The following COL26A1 variants were observed in gnomAD, a reference collection of about 807,000 sequenced individuals.
The protein encoded by COL26A1 is collagen type XXVI alpha 1 chain.
Under a neutral mutation model 59.3 loss-of-function variants are expected in COL26A1, and 41 were observed. The ratio of observed to expected loss-of-function variants is 0.69; its 90% CI spans 0.54 to 0.90. The LOEUF is 0.90. Among genes scored for constraint, COL26A1 ranks in the 40% least tolerant of loss-of-function variants. The pLI, the probability that COL26A1 is intolerant of heterozygous loss-of-function variation, is 0.00. For missense variants in COL26A1, 612 were observed against 602.3 expected (o/e 1.02, Z -0.17); for synonymous variants, 266 against 256.0 (o/e 1.04, Z -0.37).
intron 3 of COL26A1, among the ~76,000 whole-genome samples, chr7:101,489,033 G>T (rs572207933): frequency 1.3e-4 from 20 of 152,300 alleles, no homozygotes; most frequent in African/African-American, 2.4e-4. Flanking sequence ...TTCCGTGTTT[G>T]CCTGCAAGAT....
At chr7:101,389,310 G>T (rs1791667523) in intron 1 of COL26A1, among the ~76,000 whole-genome samples, 1 of 150,168 alleles carries the variant, frequency 6.7e-6, no homozygotes, top group African/African-American at 2.4e-5. Context: ...TTTCTATATT[G>T]TTGTTGAGTT....
rs1794293489 is a variant in COL26A1, at chr7:101,487,479, T to A, written c.385+39692T>A. 3.9e-5 allele frequency among the ~76,000 whole-genome samples: 6 copies of A among 151,986 alleles called. No individual in the cohort carries two copies. The South Asian group carries it at 1.2e-3, about 32-fold the overall frequency. ...GTTTCCTCGGGTTCTTTCAACCCCC[T>A]CTCTCACGACATGGCTCTCGGTGCC... On this transcript the variant is annotated intron_variant, in intron 3 of 12. Coordinates refer to ENST00000313669, the MANE Select transcript of COL26A1 (RefSeq NM_001278563.3).
chr7:101,520,663 C>CACACACACACACACACACACA (rs57784373), intron 3 of COL26A1, among the ~76,000 whole-genome samples: 23 of 139,032 alleles, frequency 1.7e-4, no homozygotes, highest in South Asian at 2.1e-4. Context: ...CACACACACA[C>CACACACACACACACACACACA]CCCCGTGTTC....
At chr7:101,427,805 T>G (rs1160424514) in intron 2 of COL26A1, among the ~76,000 whole-genome samples, 1 of 152,154 alleles carries the variant, frequency 6.6e-6, no homozygotes, top group Non-Finnish European at 1.5e-5. Flanking sequence ...CCTGGCTGTC[T>G]TCACCATTTT....
rs745474924 is a variant in COL26A1, at chr7:101,540,026, A to G, written c.581A>G (p.Gln194Arg). The G allele has an allele frequency of 6.8e-6, 11 of 1,613,164 alleles. No individual in the cohort carries two copies. In the African/African-American group the frequency reaches 1.5e-4, roughly 22 times the overall value. ...AIPLAHPVPR[Q>R]RRPTGPAGPP... is the part of the protein sequence containing the mutation. ...CCTCTTGCTCACCCTGTGCCACGAC[A>G]GAGAAGGCCCACGGGCCCAGCCGGT... is the stretch of plus-strand genomic sequence containing the variant. The change falls in exon 5 of 13, where the codon CAG (glutamine) becomes CGG (arginine). Residue 194 changes from glutamine (Q) to arginine (R), a missense_variant. By Grantham distance (43) the Gln-to-Arg change is conservative (BLOSUM62 1). Coordinates refer to ENST00000313669, the MANE Select transcript of COL26A1 (RefSeq NM_001278563.3).
intron 2 of COL26A1, among the ~76,000 whole-genome samples, chr7:101,428,449 T>A (rs1365633300): frequency 6.6e-6 from 1 of 152,004 alleles, no homozygotes; most frequent in Non-Finnish European, 1.5e-5. Flanking sequence ...ATGCGGGTAT[T>A]CAGGGAGGAA....
intron 1 of COL26A1, among the ~76,000 whole-genome samples, chr7:101,366,152 G>A (rs1791040563): frequency 6.6e-6 from 1 of 152,240 alleles, no homozygotes. Context: ...ATATTCCAGA[G>A]TGTGACTGAG....
chr7:101,404,458 A>G (rs1451913520), intron 1 of COL26A1, among the ~76,000 whole-genome samples: 1 of 152,168 alleles, frequency 6.6e-6, no homozygotes, highest in African/African-American at 2.4e-5. Flanking sequence ...GCTTTGGGCA[A>G]ATCTCAATGC....
At chr7:101,415,156 C>CA (rs199896601) in intron 1 of COL26A1, among the ~76,000 whole-genome samples, 1 of 104,596 alleles carries the variant, frequency 9.6e-6, no homozygotes, top group African/African-American at 2.8e-5. Flanking sequence ...TAACCCCCCC[C>CA]CTTTTTTTTT....
At chr7:101,433,193 G>A (rs1406300399) in intron 2 of COL26A1, among the ~76,000 whole-genome samples, 1 of 152,018 alleles carries the variant, frequency 6.6e-6, no homozygotes, top group Non-Finnish European at 1.5e-5. Flanking sequence ...GCATGGTGGT[G>A]GCCACCTGTA....
At chr7:101,532,175 C>A (rs1169247014) in intron 3 of COL26A1, among the ~76,000 whole-genome samples, 4 of 152,126 alleles carry the variant, frequency 2.6e-5, no homozygotes, top group African/African-American at 9.7e-5. Flanking sequence ...GTAATTACAG[C>A]CCAGAGAGAT....
intron 1 of COL26A1, among the ~76,000 whole-genome samples, chr7:101,364,856 C>T (rs907055017): frequency 6.3e-4 from 96 of 152,308 alleles, no homozygotes; most frequent in African/African-American, 2.2e-3. Flanking sequence ...AGGCGTGAGC[C>T]ACCACGCCAG....
intron 2 of COL26A1, among the ~76,000 whole-genome samples, chr7:101,443,151 G>A (rs576839484): frequency 4.5e-4 from 68 of 152,214 alleles, no homozygotes; most frequent in Middle Eastern, 3.4e-3. Context: ...GGGTGACCTT[G>A]GAACTAAGGC....
At chr7:101,448,455 G>T (rs1422751048) in intron 3 of COL26A1, among the ~76,000 whole-genome samples, 1 of 152,028 alleles carries the variant, frequency 6.6e-6, no homozygotes, top group Non-Finnish European at 1.5e-5. Context: ...TGGCTGGATG[G>T]GTCTGGAGGC....
chr7:101,390,947 G>A (rs1791714368), intron 1 of COL26A1, among the ~76,000 whole-genome samples: 2 of 152,296 alleles, frequency 1.3e-5, no homozygotes, highest in African/African-American at 4.8e-5. Flanking sequence ...CTCCCACTGT[G>A]GCTTTAGAGA....
At chr7:101,530,335 G>A (rs961231498) in intron 3 of COL26A1, among the ~76,000 whole-genome samples, 27 of 152,062 alleles carry the variant, frequency 1.8e-4, no homozygotes, top group African/African-American at 5.8e-4. Flanking sequence ...TTGGGAGGCT[G>A]AGGTGGGCGG....
intron 3 of COL26A1, among the ~76,000 whole-genome samples, chr7:101,530,926 G>C (rs2130634779): frequency 6.6e-6 from 1 of 152,038 alleles, no homozygotes; most frequent in South Asian, 2.1e-4. Flanking sequence ...TTTGCTTTGT[G>C]GATTTTATAC....
In COL26A1 at chr7:101,515,261, G is replaced by A. The variant is rs146759411; in HGVS notation, c.386-17821G>A. On this transcript the variant is annotated intron_variant, in intron 3 of 12. Coordinates refer to ENST00000313669, the MANE Select transcript of COL26A1 (RefSeq NM_001278563.3). ...AGGAGAAATTGGTGTTTCTGGATTC[G>A]AGACCCTCTCTTACTATAAATATTT... is the stretch of plus-strand genomic sequence containing the variant. Among the ~76,000 whole-genome samples the A allele has an allele frequency of 2.4e-3, 362 of 152,180 alleles. 3 individuals are homozygous for A. The highest frequency in any genetic ancestry group is 0.01 in the Middle Eastern group (3 of 294).
intron 3 of COL26A1, among the ~76,000 whole-genome samples, chr7:101,454,080 A>G (rs1793408590): frequency 6.6e-6 from 1 of 151,990 alleles, no homozygotes; most frequent in Admixed American, 6.6e-5. Flanking sequence ...TTGATGGGTA[A>G]CCCCTAAATC....
Sources: gnomAD v4.1 joint callset for allele counts (sites outside exome capture counted in the v4.1 genomes callset) on GRCh38, gnomAD v4.1.1 for gene constraint, MANE v1.5 for transcripts, NCBI Gene and HGNC (gene_info 2026-07-23, HGNC 2026-07-21) for gene names.